The following TRIM26 variants were observed in gnomAD, a reference collection of about 807,000 sequenced individuals.
The protein encoded by TRIM26 is tripartite motif-containing protein 26.
TRIM26 carries 16 observed loss-of-function variants against 45.5 expected under a neutral mutation model. The observed-to-expected ratio is 0.35, with a 90% CI of 0.24 to 0.53. TRIM26 has a LOEUF of 0.53. Among genes scored for constraint, TRIM26 ranks in the 20% least tolerant of loss-of-function variants. TRIM26 has a pLI of 0.92. For missense variants in TRIM26, 442 were observed against 691.1 expected (o/e 0.64, Z 4.04); for synonymous variants, 273 against 290.4 (o/e 0.94, Z 0.61).
chr6:30,188,221 A>AAAAAAAG (rs1775417148), intron 9 of TRIM26: 1 of 105,786 alleles, frequency 9.5e-6, no homozygotes, highest in Admixed American at 1.2e-4. Flanking sequence ...CCGTCTCAAA[A>AAAAAAAG]AAAAAAAAAA....
At chr6:30,188,647 G>T in intron 9 of TRIM26, 2 of 221,432 alleles carry the variant, frequency 9.0e-6, no homozygotes, top group Admixed American at 4.1e-5. Context: ...ACGAAAGCAA[G>T]TGTGAAAGTG....
chr6:30,187,030 A>AT, intron 9 of TRIM26: 1 of 355,222 alleles, frequency 2.8e-6, no homozygotes, highest in Non-Finnish European at 5.3e-6. Flanking sequence ...ATGAAACACA[A>AT]TAACTATGTG....
At chr6:30,188,595 C>A in intron 9 of TRIM26, 1 of 232,406 alleles carries the variant, frequency 4.3e-6, no homozygotes, top group Non-Finnish European at 8.9e-6. Context: ...GCTCTCAGGG[C>A]CTCGTTTGCT....
chr6:30,197,795 C>T (rs990121438), intron 5 of TRIM26, among the ~76,000 whole-genome samples: 1 of 152,036 alleles, frequency 6.6e-6, no homozygotes, highest in African/African-American at 2.4e-5. Flanking sequence ...AGAATAATGA[C>T]AAGAAAAAAA....
At chr6:30,188,236 A>C in intron 9 of TRIM26, 1 of 207,984 alleles carries the variant, frequency 4.8e-6, no homozygotes, top group Non-Finnish European at 1.0e-5. Context: ...AAAAAAAAAA[A>C]AAAAAAGAAA....
At position 30,199,086 on chromosome 6, in the gene TRIM26, T is replaced by A. The variant is rs1288760636; in HGVS notation, c.18A>T (p.Pro6=). MATSA[P]LRSLEEEVTC... ...TCACCTCCTCTTCCAGGCTCCGTAG[T>A]GGGGCTGACGTGGCCATGGTATCCT... is the stretch of plus-strand genomic sequence containing the variant. Residue 6 remains proline, a synonymous_variant, in exon 4 of 10, where the codon CCA becomes CCT. Transcript: ENST00000454678. The A allele has an allele frequency of 1.3e-6, 2 of 1,572,330 alleles. No individual in the cohort carries two copies. The highest frequency in any genetic ancestry group is 1.3e-5 in the African/African-American group (1 of 74,156).
rs765978 is a variant in TRIM26 at position 30,189,817 on chromosome 6, G to C, written c.788+196C>G. The C allele has an allele frequency of 1.5e-6, 1 of 655,102 alleles. No individual in the cohort carries two copies. Among genetic ancestry groups the C allele is most frequent in the Non-Finnish European group, 2.5e-6 (1 of 392,318 alleles). The allele number at this position is 655,102 out of a possible 1,614,324, so 40.6% of individuals were successfully genotyped here. On this transcript the variant is annotated intron_variant, in intron 7 of 9. Transcript: ENST00000454678. This position sits in a 1 kb window ranked among gnomAD's most constrained non-coding sequence, Gnocchi z 5.0. ...TGGGCCAAGGAGCTGGGGCTACACA[G>C]AGAACCATAAGGAGGAGAGCAAGTC... is the stretch of plus-strand genomic sequence containing the variant.
At chr6:30,188,081 A>T (rs1775388665) in intron 9 of TRIM26, among the ~76,000 whole-genome samples, 1 of 148,000 alleles carries the variant, frequency 6.8e-6, no homozygotes. Context: ...TAGCCGGGCG[A>T]GGTGGCGGGC....
rs1464785010 is a variant in TRIM26 at position 30,196,977 on chromosome 6, G to C, written c.535-231C>G. ...CCCACCACTATATGGTCAAAACCCT[G>C]TCTCCACCTGACTGGTCAGCCACAA... is the stretch of plus-strand genomic sequence containing the variant. On this transcript the variant is annotated intron_variant, in intron 5 of 9. Transcript: ENST00000454678. The surrounding 1 kb of genome is among the most constrained non-coding windows in gnomAD (Gnocchi z 4.9). 6.6e-6 allele frequency among the ~76,000 whole-genome samples: 1 copy of C among 152,134 alleles called. No homozygotes were observed. Among genetic ancestry groups the C allele is most frequent in the Admixed American group, 6.5e-5 (1 of 15,280 alleles).
At position 30,185,678 on chromosome 6, in the gene TRIM26, C is replaced by A; in HGVS notation, c.*198G>T. On this transcript the variant is annotated 3_prime_UTR_variant, in exon 10 of 10. Coordinates refer to ENST00000454678, the MANE Select transcript of TRIM26 (RefSeq NM_003449.5). The surrounding 1 kb of genome is among the most constrained non-coding windows in gnomAD (Gnocchi z 5.7). ...AAACCAGCAGGAGGTGGGAAAAGAGCCCCATTAGGGCAGTAGATGGAGCAA... is the reference window on the plus strand; with the variant it reads ...AAACCAGCAGGAGGTGGGAAAAGAGACCCATTAGGGCAGTAGATGGAGCAA... The A allele has an allele frequency of 1.6e-6, 1 of 619,296 alleles. No homozygotes were observed. The highest frequency in any genetic ancestry group is 3.3e-5 in the Admixed American group (1 of 30,428). 38.4% of individuals were successfully genotyped at this position (619,296 alleles called of 1,614,324 possible). A position where few individuals can be genotyped will look rare whatever the true frequency, so the allele number is the denominator to read the frequency against.
chr6:30,185,809 T>A lies in TRIM26; in HGVS notation c.*67A>T. 3.3e-6 allele frequency: 5 copies of A among 1,528,632 alleles called. No individual in the cohort carries two copies. Among genetic ancestry groups the A allele is most frequent in the Non-Finnish European group, 4.4e-6 (5 of 1,130,290 alleles). 94.7% of individuals were successfully genotyped at this position (1,528,632 alleles called of 1,614,324 possible). On this transcript the variant is annotated 3_prime_UTR_variant, in exon 10 of 10. Transcript: ENST00000454678. This position sits in a 1 kb window ranked among gnomAD's most constrained non-coding sequence, Gnocchi z 5.7. ...TTAGGCCAGGCATCCCGTCCCCCCA[T>A]TGAGAGTCCTGGAATTCCAAAGAAG...
rs779484861 is a variant in TRIM26 at position 30,189,492 on chromosome 6, C to T, written c.830G>A (p.Arg277Gln). 16 of 1,612,868 alleles carry T rather than the reference C, an allele frequency of 9.9e-6. No individual in the cohort carries two copies. Among genetic ancestry groups the T allele is most frequent in the African/African-American group, 9.3e-5 (7 of 74,876 alleles). The change falls in exon 8 of 10, where the codon CGA (arginine) becomes CAA (glutamine). Residue 277 changes from arginine (R) to glutamine (Q), a missense_variant. Coordinates refer to ENST00000454678, the MANE Select transcript of TRIM26 (RefSeq NM_003449.5). This position sits in a 1 kb window ranked among gnomAD's most constrained non-coding sequence, Gnocchi z 5.0. ...KKFWVGKPIA[R>Q]VVKKKTGEFS... ...TTCTCCGGTCTTTTTTTTAACCACT[C>T]GAGCAATGGGTTTCCCAACCCAGAA...
At chr6:30,208,902 A>ATGTG (rs1491104453) in intron 1 of TRIM26, among the ~76,000 whole-genome samples, 7 of 74,578 alleles carry the variant, frequency 9.4e-5, no homozygotes, top group South Asian at 5.5e-4. Flanking sequence ...GGGATATAGA[A>ATGTG]TATGTGTGTG....
intron 6 of TRIM26, among the ~76,000 whole-genome samples, chr6:30,191,387 A>G (rs934387714): frequency 3.2e-4 from 46 of 145,996 alleles, no homozygotes; most frequent in Admixed American, 2.9e-3. Flanking sequence ...GCACTCATCT[A>G]GAAGCCTCAG....
chr6:30,194,885 G>T (rs1190349432), intron 6 of TRIM26, among the ~76,000 whole-genome samples: 2 of 152,098 alleles, frequency 1.3e-5, no homozygotes. Flanking sequence ...GACAGAGCGA[G>T]ACTCTGTCTC....
intron 9 of TRIM26, chr6:30,187,250 C>G (rs757561604): frequency 1.0e-5 from 3 of 299,934 alleles, no homozygotes; most frequent in Non-Finnish European, 2.1e-5. Context: ...CATATCAGTC[C>G]TTCCTTTTCC....
intron 3 of TRIM26, among the ~76,000 whole-genome samples, chr6:30,199,906 G>A (rs1311384432): frequency 6.6e-6 from 1 of 152,096 alleles, no homozygotes; most frequent in Admixed American, 6.5e-5. Flanking sequence ...AAAGTGCTGG[G>A]ATTACAGGCG....
At position 30,184,455 on chromosome 6, in the gene TRIM26, T is replaced by C. The variant is rs925719534; in HGVS notation, c.*1421A>G. 1.3e-5 allele frequency: 2 copies of C among 152,230 alleles called. No individual in the cohort carries two copies. Among genetic ancestry groups the C allele is most frequent in the African/African-American group, 2.4e-5 (1 of 41,440 alleles). 9.4% of individuals were successfully genotyped at this position (152,230 alleles called of 1,614,324 possible). On this transcript the variant is annotated 3_prime_UTR_variant, in exon 10 of 10. Transcript: ENST00000454678. ...CCTACAAATACAGATCTCCAGGCTGTTCATTCAACAAGTCTTTATTGAGCA... is the reference window on the plus strand; with the variant it reads ...CCTACAAATACAGATCTCCAGGCTGCTCATTCAACAAGTCTTTATTGAGCA...
At position 30,192,538 on chromosome 6, in the gene TRIM26, A is replaced by G. The variant is rs377284874; in HGVS notation, c.766-2503T>C. On this transcript the variant is annotated intron_variant, in intron 6 of 9. Coordinates refer to ENST00000454678, the MANE Select transcript of TRIM26 (RefSeq NM_003449.5). The stretch of plus-strand genomic sequence containing the variant: ...CCTGCTGCTTCTCCCTCTCACCTGT[A>G]TTTCTATTTTATTTTAATTTTTTTG... 3.0e-4 allele frequency among the ~76,000 whole-genome samples: 45 copies of G among 151,726 alleles called. 5 individuals are homozygous for G. Among genetic ancestry groups the G allele is most frequent in the East Asian group, 2.5e-3 (13 of 5,148 alleles).
Sources: gnomAD v4.1 joint callset for allele counts (sites outside exome capture counted in the v4.1 genomes callset) on GRCh38, gnomAD v4.1.1 for gene constraint, Gnocchi (gnomAD v3.1) non-coding constraint, MANE v1.5 for transcripts, NCBI Gene and HGNC (gene_info 2026-07-23, HGNC 2026-07-21) for gene names.